Variants in DNAH7 observed in about 807,000 individuals in gnomAD.
The protein encoded by DNAH7 is dynein axonemal heavy chain 7.
Under a neutral mutation model 444.6 loss-of-function variants are expected in DNAH7, and 397 were observed. The ratio of observed to expected loss-of-function variants is 0.89; its 90% CI spans 0.82 to 0.97. The LOEUF (loss-of-function observed/expected upper bound fraction) is 0.97. Among genes scored for constraint, DNAH7 ranks in the 50% least tolerant of loss-of-function variants. The probability of loss-of-function intolerance (pLI) is 0.00; values close to 1 mark genes in which losing one functional copy is unlikely to be tolerated. For missense variants in DNAH7, 4,902 were observed against 4,800.8 expected, an observed-to-expected ratio of 1.02 and a Z score of -0.62; for synonymous variants, 1,636 against 1,624.4, an observed-to-expected ratio of 1.01 and a Z score of -0.17.
At chr2:195,994,861 T>C (rs1693589258) in intron 12 of DNAH7, 1 of 422,070 alleles carries the variant, frequency 2.4e-6, no homozygotes, top group East Asian at 5.8e-5. Flanking sequence ...CTTGGTTGCT[T>C]CTTTTGACAG....
intron 18 of DNAH7, 74 bp downstream of exon 18, chr2:195,960,186 C>A: frequency 1.6e-6 from 2 of 1,261,386 alleles, no homozygotes; most frequent in South Asian, 1.5e-5. Flanking sequence ...AAATAATTCT[C>A]AAAAGAACTT....
intron 24 of DNAH7, among the ~76,000 whole-genome samples, chr2:195,920,388 C>G (rs879767201): frequency 6.6e-5 from 10 of 152,092 alleles, no homozygotes; most frequent in Admixed American, 1.3e-4. Context: ...ACAAATGGAA[C>G]AAAACAGAGA....
At chr2:195,982,905 T>C (rs996924423) in intron 15 of DNAH7, among the ~76,000 whole-genome samples, 2 of 152,126 alleles carry the variant, frequency 1.3e-5, no homozygotes, top group Non-Finnish European at 2.9e-5. Flanking sequence ...ATGAAAAAGA[T>C]CTAGTATTTG....
intron 19 of DNAH7, among the ~76,000 whole-genome samples, chr2:195,942,941 C>A (rs1051273968): frequency 6.6e-5 from 10 of 152,062 alleles, no homozygotes; most frequent in Non-Finnish European, 2.9e-5. Flanking sequence ...ATTGTAATAA[C>A]CCCTGTGTGT....
intron 5 of DNAH7, among the ~76,000 whole-genome samples, chr2:196,045,663 T>C (rs772598321): frequency 1.3e-5 from 2 of 152,106 alleles, no homozygotes; most frequent in Admixed American, 6.5e-5. Flanking sequence ...TTGTGTGTTA[T>C]TCAGAAGGAA....
At chr2:195,870,119 C>T (rs925073413) in intron 40 of DNAH7, among the ~76,000 whole-genome samples, 1 of 152,202 alleles carries the variant, frequency 6.6e-6, no homozygotes, top group Non-Finnish European at 1.5e-5. Flanking sequence ...CTGCCTTCCT[C>T]TCTTTATGCA....
chr2:195,875,387 G>A (rs1559172418), intron 38 of DNAH7, among the ~76,000 whole-genome samples: 2 of 152,076 alleles, frequency 1.3e-5, no homozygotes, highest in African/African-American at 4.8e-5. Flanking sequence ...AAAGGATTTG[G>A]AAGACTTCCA....
chr2:195,788,687 A>C (rs1267126550), intron 57 of DNAH7, among the ~76,000 whole-genome samples: 1 of 152,246 alleles, frequency 6.6e-6, no homozygotes, highest in Non-Finnish European at 1.5e-5. Flanking sequence ...AAATGTGCTG[A>C]TGTGTTGAAA....
At chr2:195,907,713 G>T (rs767240499) in intron 25 of DNAH7, among the ~76,000 whole-genome samples, 9 of 152,144 alleles carry the variant, frequency 5.9e-5, no homozygotes, top group Middle Eastern at 6.8e-3. Flanking sequence ...AGGACACTAA[G>T]GCTATACCAT....
chr2:196,000,292 G>C (rs1693954228), intron 12 of DNAH7, among the ~76,000 whole-genome samples: 1 of 152,076 alleles, frequency 6.6e-6, no homozygotes. Flanking sequence ...TCTATGAGTT[G>C]AAAGTATAAA....
intron 8 of DNAH7, 21 bp from the exon 9 acceptor site, chr2:196,019,316 T>C: frequency 1.4e-6 from 2 of 1,449,918 alleles, no homozygotes; most frequent in Non-Finnish European, 1.8e-6. Flanking sequence ...AGAAAATATT[T>C]AGTTACAGTC....
intron 13 of DNAH7, 125 bp downstream of exon 13, chr2:195,987,832 T>C: frequency 1.1e-6 from 1 of 949,230 alleles, no homozygotes; most frequent in Non-Finnish European, 1.5e-6. Context: ...CATCAGAAGC[T>C]CAATAAATAT....
chr2:195,944,248 T>A (rs1452521085), intron 19 of DNAH7, among the ~76,000 whole-genome samples: 1 of 152,144 alleles, frequency 6.6e-6, no homozygotes, highest in South Asian at 2.1e-4. Flanking sequence ...GGCACAAACA[T>A]CTGCAAGCAA....
At chr2:195,840,786 A>G (rs1698636991) in intron 47 of DNAH7, among the ~76,000 whole-genome samples, 1 of 151,854 alleles carries the variant, frequency 6.6e-6, no homozygotes, top group Non-Finnish European at 1.5e-5. Context: ...CTGATGAAAG[A>G]AATCAAAGGA....
chr2:196,033,693 G>C (rs1279038685), intron 5 of DNAH7, among the ~76,000 whole-genome samples: 1 of 152,052 alleles, frequency 6.6e-6, no homozygotes, highest in African/African-American at 2.4e-5. Context: ...TTCATCTGCT[G>C]ATGGACAGTC....
chr2:196,056,411 CTCTG>C (rs1379559950), intron 2 of DNAH7, among the ~76,000 whole-genome samples: 36 of 146,946 alleles, frequency 2.4e-4, no homozygotes, highest in Admixed American at 2.3e-3. Flanking sequence ...TGCCACTGCA[CTCTG>C]TCTGAAAAAA....
At chr2:195,764,150 A>G (rs1694467959) in intron 61 of DNAH7, among the ~76,000 whole-genome samples, 1 of 152,120 alleles carries the variant, frequency 6.6e-6, no homozygotes, top group Admixed American at 6.5e-5. Flanking sequence ...AATAATTTCA[A>G]TTGATACTGA....
At position 195,961,418 on chromosome 2, in the gene DNAH7, T is replaced by C. The variant is rs142992067; in HGVS notation, c.2206-473A>G. ...CCACTACCCACCAGCCCCACCCTTG[T>C]AGGCATCATTCTACTCTCTGCTTCT... On this transcript the variant is annotated intron_variant, in intron 17 of 64. Transcript: ENST00000312428. Among the ~76,000 whole-genome samples, 152 of 152,308 alleles carry C rather than the reference T, an allele frequency of 1.0e-3. 1 individual carries two copies. Among genetic ancestry groups the C allele is most frequent in the East Asian group, 5.8e-4 (3 of 5,192 alleles).
Position 195,907,020 on chromosome 2 carries a change from A to C in DNAH7, c.4105-11T>G, listed in dbSNP as rs765058011. 2 of 1,599,528 alleles carry C rather than the reference A, an allele frequency of 1.3e-6. No individual in the cohort carries two copies. The highest frequency in any genetic ancestry group is 1.7e-6 in the Non-Finnish European group (2 of 1,173,880). ...ACAAGATAACAGTCCCTATGAGAAA[A>C]GAGTAATGAAAATTTTTGACTTTAT... On this transcript the variant is annotated splice_polypyrimidine_tract_variant and intron_variant, in intron 25 of 64. Coordinates refer to ENST00000312428, the MANE Select transcript of DNAH7 (RefSeq NM_018897.3).
Sources: allele counts gnomAD v4.1 joint callset (sites outside exome capture counted in the v4.1 genomes callset), GRCh38; gene constraint gnomAD v4.1.1; transcripts MANE v1.5; gene names NCBI Gene and HGNC (gene_info 2026-07-23, HGNC 2026-07-21).